Variants in CPQ observed in about 807,000 individuals in gnomAD.
CPQ encodes carboxypeptidase Q, also known as Ser-Met dipeptidase.
Under a neutral mutation model 45.7 loss-of-function variants are expected in CPQ, and 37 were observed. That is an observed-to-expected ratio of 0.81 (90% CI 0.62 to 1.07). The LOEUF (loss-of-function observed/expected upper bound fraction) is 1.07, where lower values mean the gene tolerates loss of function less well. Among genes scored for constraint, CPQ ranks in the 50% least tolerant of loss-of-function variants. The pLI, the probability that CPQ is intolerant of heterozygous loss-of-function variation, is 0.00. For synonymous variants in CPQ, 186 were observed against 205.8 expected (o/e 0.90, Z 0.82); for missense variants, 537 against 572.9 (o/e 0.94, Z 0.64).
At chr8:96,951,675 T>A (rs915797014) in intron 4 of CPQ, among the ~76,000 whole-genome samples, 1 of 152,158 alleles carries the variant, frequency 6.6e-6, no homozygotes, top group Non-Finnish European at 1.5e-5. Flanking sequence ...TAACTTAGGT[T>A]CACCAAACAA....
chr8:96,772,726 T>C (rs958228937), intron 1 of CPQ, among the ~76,000 whole-genome samples: 2 of 152,170 alleles, frequency 1.3e-5, no homozygotes, highest in African/African-American at 4.8e-5. Flanking sequence ...ATGATAGAAA[T>C]TGAAATGTTT....
intron 5 of CPQ, among the ~76,000 whole-genome samples, chr8:96,974,059 TAAAAG>T (rs1312701621): frequency 3.3e-5 from 5 of 152,124 alleles, no homozygotes; most frequent in African/African-American, 1.2e-4. Context: ...ATTCTCCACT[TAAAAG>T]ATAACAGAAT....
chr8:96,661,775 A>G (rs889777081), intron 1 of CPQ, among the ~76,000 whole-genome samples: 3 of 152,218 alleles, frequency 2.0e-5, no homozygotes, highest in Non-Finnish European at 2.9e-5. Context: ...TTGTGTTTAC[A>G]TGTTTTCAAT....
intron 1 of CPQ, among the ~76,000 whole-genome samples, chr8:96,694,514 A>G (rs996905416): frequency 5.3e-5 from 8 of 152,198 alleles, no homozygotes; most frequent in East Asian, 1.9e-4. Flanking sequence ...AGGATAGACT[A>G]TATGTTAGGC....
At chr8:97,014,999 C>T (rs572164488) in intron 5 of CPQ, among the ~76,000 whole-genome samples, 1 of 152,226 alleles carries the variant, frequency 6.6e-6, no homozygotes, top group Non-Finnish European at 1.5e-5. Flanking sequence ...AGATGCATTA[C>T]TTTTTTATAA....
intron 1 of CPQ, among the ~76,000 whole-genome samples, chr8:96,700,220 G>A (rs1197536583): frequency 2.6e-5 from 4 of 152,072 alleles, no homozygotes; most frequent in South Asian, 2.1e-4. Context: ...TTCTGCTTGC[G>A]TGGCTGCACT....
At chr8:97,088,394 A>G (rs1811073935) in intron 7 of CPQ, among the ~76,000 whole-genome samples, 1 of 152,198 alleles carries the variant, frequency 6.6e-6, no homozygotes, top group South Asian at 2.1e-4. Flanking sequence ...CACTTAGTTC[A>G]TGTTGTTTGG....
chr8:96,993,828 C>T (rs1261130216), intron 5 of CPQ, among the ~76,000 whole-genome samples: 1 of 152,006 alleles, frequency 6.6e-6, no homozygotes, highest in Non-Finnish European at 1.5e-5. Context: ...AGAAGAGAAA[C>T]TAGTTATTTC....
intron 7 of CPQ, among the ~76,000 whole-genome samples, chr8:97,087,415 A>G (rs1322331526): frequency 2.0e-5 from 3 of 152,154 alleles, no homozygotes; most frequent in African/African-American, 7.2e-5. Flanking sequence ...TGGGGGGTCA[A>G]GGGCTTTCCC....
intron 7 of CPQ, among the ~76,000 whole-genome samples, chr8:97,129,154 G>T (rs890897957): frequency 1.3e-5 from 2 of 152,170 alleles, no homozygotes; most frequent in Non-Finnish European, 2.9e-5. Flanking sequence ...ATTTCAAAAA[G>T]CACAGATTCA....
In CPQ at chr8:96,740,494, A is replaced by G. The variant is rs530198392; in HGVS notation, c.-34-44370A>G. Among the ~76,000 whole-genome samples the G allele has an allele frequency of 1.3e-3, 193 of 151,860 alleles. 2 individuals carry two copies. The highest frequency in any genetic ancestry group is 3.6e-3 in the African/African-American group (148 of 41,320). On this transcript the variant is annotated intron_variant, in intron 1 of 7. Transcript: ENST00000220763. ...AATTGCCCTGGCCAGAACTTCCAAC[A>G]CTATGTTGAATAGGAGTGGTGAGAG...
At chr8:96,779,406 T>A (rs1810658181) in intron 1 of CPQ, among the ~76,000 whole-genome samples, 1 of 152,224 alleles carries the variant, frequency 6.6e-6, no homozygotes, top group South Asian at 2.1e-4. Flanking sequence ...TTTGAGTTTC[T>A]ATTTCGTGTA....
At chr8:97,076,348 C>T (rs567265880) in intron 7 of CPQ, among the ~76,000 whole-genome samples, 19 of 152,064 alleles carry the variant, frequency 1.2e-4, no homozygotes, top group African/African-American at 4.6e-4. Flanking sequence ...ATTTATATAA[C>T]TACAATACTA....
chr8:96,887,973 C>T lies in CPQ; in HGVS notation c.849+7968C>T, dbSNP rs1305289838. Among the ~76,000 whole-genome samples the T allele has an allele frequency of 3.3e-5, 5 of 152,260 alleles. No individual in the cohort carries two copies. In the East Asian group the frequency reaches 9.7e-4, roughly 29 times the overall value. On this transcript the variant is annotated intron_variant, in intron 4 of 7. Coordinates refer to ENST00000220763, the MANE Select transcript of CPQ (RefSeq NM_016134.4). The stretch of plus-strand genomic sequence containing the variant: ...CTAGTGGGGAACATTGAAATGAAAA[C>T]TCTAGTTTGTTAACTGAACACTTCA...
At chr8:96,839,687 T>G (rs2130852030) in intron 3 of CPQ, among the ~76,000 whole-genome samples, 1 of 152,312 alleles carries the variant, frequency 6.6e-6, no homozygotes, top group East Asian at 1.9e-4. Context: ...ATGTGTTTTT[T>G]GTCCTCAAGA....
rs111392702 is a variant in CPQ, at chr8:96,817,612, CT to C, written c.434-17348del. ...CACTCACGTGTTCGCTGGACTAGCA[CT>C]TTTTTTTTTTTTATTATTGAGACAG... On this transcript the variant is annotated intron_variant, in intron 2 of 7. Transcript: ENST00000220763. Among the ~76,000 whole-genome samples the C allele has an allele frequency of 8.3e-3, 1,208 of 144,970 alleles. 23 individuals are homozygous for C. Among genetic ancestry groups the C allele is most frequent in the Admixed American group, 0.037 (539 of 14,506 alleles).
chr8:96,826,681 G>C (rs1403611840), intron 2 of CPQ, among the ~76,000 whole-genome samples: 1 of 151,698 alleles, frequency 6.6e-6, no homozygotes, highest in East Asian at 1.9e-4. Flanking sequence ...GTTAACATAG[G>C]TAAACGTGTG....
chr8:96,764,604 T>C (rs1810444643), intron 1 of CPQ, among the ~76,000 whole-genome samples: 1 of 152,250 alleles, frequency 6.6e-6, no homozygotes, highest in Non-Finnish European at 1.5e-5. Context: ...AAAAAAGTGA[T>C]AAAAAACATT....
intron 3 of CPQ, among the ~76,000 whole-genome samples, chr8:96,853,927 G>T (rs528800496): frequency 6.6e-6 from 1 of 152,170 alleles, no homozygotes; most frequent in African/African-American, 2.4e-5. Context: ...GGAAATCAGA[G>T]AAGAAGGCCT....
Sources: gnomAD v4.1 joint callset for allele counts (sites outside exome capture counted in the v4.1 genomes callset) on GRCh38, gnomAD v4.1.1 for gene constraint, MANE v1.5 for transcripts, NCBI Gene and HGNC (gene_info 2026-07-23, HGNC 2026-07-21) for gene names.